NRG3: variants seen among roughly 807,000 people sequenced by gnomAD.
NRG3 encodes pro-neuregulin-3, membrane-bound isoform.
NRG3 carries 31 observed loss-of-function variants against 66.9 expected under a neutral mutation model. That is an observed-to-expected ratio of 0.46 (90% CI 0.35 to 0.63). The LOEUF (loss-of-function observed/expected upper bound fraction) is 0.63. NRG3 is among the 20% of genes least tolerant of loss of function. The probability of loss-of-function intolerance (pLI) is 0.00; values close to 1 mark genes in which losing one functional copy is unlikely to be tolerated. For missense variants in NRG3, 910 were observed against 878.9 expected, an observed-to-expected ratio of 1.04 and a Z score of -0.45; for synonymous variants, 393 against 359.4, an observed-to-expected ratio of 1.09 and a Z score of -1.06.
At chr10:82,165,720 A>G (rs2071994004) in intron 1 of NRG3, among the ~76,000 whole-genome samples, 1 of 151,802 alleles carries the variant, frequency 6.6e-6, no homozygotes, top group African/African-American at 2.4e-5. Flanking sequence ...GGGGCGTGAC[A>G]GAGGAATGTA....
At chr10:82,545,321 A>G (rs2043818486) in intron 2 of NRG3, among the ~76,000 whole-genome samples, 1 of 152,122 alleles carries the variant, frequency 6.6e-6, no homozygotes, top group Admixed American at 6.5e-5. Flanking sequence ...TAATTCAAAT[A>G]AGTAAGGATA....
At chr10:81,917,996 T>C (rs1209378048) in intron 1 of NRG3, among the ~76,000 whole-genome samples, 1 of 152,212 alleles carries the variant, frequency 6.6e-6, no homozygotes, top group Non-Finnish European at 1.5e-5. Context: ...GGAGTAACTT[T>C]TTACAGGAAT....
chr10:81,973,179 GT>G (rs1272101868), intron 1 of NRG3, among the ~76,000 whole-genome samples: 2 of 152,048 alleles, frequency 1.3e-5, no homozygotes, highest in Non-Finnish European at 2.9e-5. Context: ...TTCTGTTCCT[GT>G]GCTAATTGCT....
chr10:82,983,580 A>G (rs551435128), intron 8 of NRG3, among the ~76,000 whole-genome samples: 57 of 152,320 alleles, frequency 3.7e-4, no homozygotes, highest in African/African-American at 1.4e-3. Context: ...CATACTAAAG[A>G]TATAATTTTG....
chr10:82,844,304 A>C (rs2063205234), intron 3 of NRG3, among the ~76,000 whole-genome samples: 1 of 152,198 alleles, frequency 6.6e-6, no homozygotes, highest in Non-Finnish European at 1.5e-5. Context: ...TATTGATACA[A>C]TACTGCTGCA....
chr10:82,307,183 C>T (rs773570683), intron 1 of NRG3, among the ~76,000 whole-genome samples: 8 of 152,180 alleles, frequency 5.3e-5, no homozygotes, highest in Middle Eastern at 3.4e-3. Flanking sequence ...CACATATATA[C>T]ATAATGATAA....
intron 1 of NRG3, among the ~76,000 whole-genome samples, chr10:82,021,673 A>G (rs1751206456): frequency 1.3e-5 from 2 of 152,040 alleles, no homozygotes; most frequent in South Asian, 2.1e-4. Flanking sequence ...CTGATTGCCA[A>G]GCATTGAAGC....
intron 1 of NRG3, among the ~76,000 whole-genome samples, chr10:82,224,803 T>C (rs2076096803): frequency 6.6e-6 from 1 of 152,120 alleles, no homozygotes; most frequent in Non-Finnish European, 1.5e-5. Context: ...CTATTCATCA[T>C]AAGCACAGTA....
At chr10:82,122,696 A>G (rs971850072) in intron 1 of NRG3, among the ~76,000 whole-genome samples, 11 of 152,186 alleles carry the variant, frequency 7.2e-5, no homozygotes, top group Non-Finnish European at 1.6e-4. Context: ...TGAATGAGAT[A>G]AAAGGAAACA....
intron 1 of NRG3, among the ~76,000 whole-genome samples, chr10:82,354,226 GA>G (rs1484467174): frequency 1.3e-5 from 2 of 151,276 alleles, no homozygotes; most frequent in Non-Finnish European, 2.9e-5. Context: ...TATTTGTATA[GA>G]TGGGGGTCTC....
At chr10:81,928,333 A>T (rs1847011882) in intron 1 of NRG3, among the ~76,000 whole-genome samples, 1 of 151,714 alleles carries the variant, frequency 6.6e-6, no homozygotes, top group Non-Finnish European at 1.5e-5. Context: ...TGAAAGAGTC[A>T]CTCCACCTCC....
rs116109269 is a variant in NRG3 at position 82,443,469 on chromosome 10, T to C, written c.953+84601T>C. On this transcript the variant is annotated intron_variant, in intron 2 of 8. Coordinates refer to ENST00000372141, the MANE Select transcript of NRG3 (RefSeq NM_001010848.4). ...GATTAACTTTTTTAAGAACACACAG[T>C]TTCATGCAGTTTGTTAAATTATTTT... Among the ~76,000 whole-genome samples the C allele has an allele frequency of 7.1e-3, 1,082 of 152,278 alleles. 14 individuals carry two copies. The highest frequency in any genetic ancestry group is 0.025 in the African/African-American group (1,044 of 41,568).
intron 1 of NRG3, among the ~76,000 whole-genome samples, chr10:82,181,956 A>G (rs774969828): frequency 4.6e-5 from 7 of 151,786 alleles, no homozygotes; most frequent in Non-Finnish European, 8.9e-5. Context: ...ATATGTATTT[A>G]TAAGTGTTAT....
At chr10:82,711,205 A>G (rs1393837959) in intron 2 of NRG3, among the ~76,000 whole-genome samples, 1 of 152,140 alleles carries the variant, frequency 6.6e-6, no homozygotes, top group Non-Finnish European at 1.5e-5. Flanking sequence ...TAGCCTCCTG[A>G]GTAGCTAGGA....
chr10:82,897,973 G>A (rs530761151), intron 4 of NRG3, among the ~76,000 whole-genome samples: 17 of 152,312 alleles, frequency 1.1e-4, no homozygotes, highest in African/African-American at 4.1e-4. Context: ...CTATAAGGAG[G>A]AAGACATAAT....
At chr10:82,301,595 A>G (rs1396437208) in intron 1 of NRG3, among the ~76,000 whole-genome samples, 3 of 151,414 alleles carry the variant, frequency 2.0e-5, no homozygotes, top group East Asian at 1.9e-4. Flanking sequence ...ATCTCCCACT[A>G]CAATTATTTT....
chr10:82,090,663 A>G lies in NRG3; in HGVS notation c.823+214500A>G, dbSNP rs191147872. ...GGATTGCCTAAATGGGGTTGAAACC[A>G]TGTCAGGAGCACATTACAACATAAA... On this transcript the variant is annotated intron_variant, in intron 1 of 8. Transcript: ENST00000372141. Among the ~76,000 whole-genome samples the G allele has an allele frequency of 2.6e-5, 4 of 152,300 alleles. No homozygotes were observed. The East Asian group carries it at 7.7e-4, about 29-fold the overall frequency.
chr10:82,181,865 T>C (rs1457362258), intron 1 of NRG3, among the ~76,000 whole-genome samples: 2 of 151,854 alleles, frequency 1.3e-5, no homozygotes, highest in African/African-American at 4.8e-5. Flanking sequence ...AAGGTTCTAC[T>C]GTTATTGTGT....
At chr10:82,186,568 A>G (rs1589249450) in intron 1 of NRG3, among the ~76,000 whole-genome samples, 1 of 152,290 alleles carries the variant, frequency 6.6e-6, no homozygotes, top group East Asian at 1.9e-4. Flanking sequence ...AATGCAAACA[A>G]AGTGGACCTT....
Sources: gnomAD v4.1 joint callset for allele counts (sites outside exome capture counted in the v4.1 genomes callset) on GRCh38, gnomAD v4.1.1 for gene constraint, MANE v1.5 for transcripts, NCBI Gene and HGNC (gene_info 2026-07-23, HGNC 2026-07-21) for gene names.